KCNT1: variants seen among roughly 807,000 people sequenced by gnomAD.
The protein encoded by KCNT1 is potassium sodium-activated channel subfamily T member 1.
A neutral mutation model predicts 147.8 loss-of-function variants in KCNT1; 78 were observed. That is an observed-to-expected ratio of 0.53 (90% CI 0.44 to 0.64). The LOEUF (loss-of-function observed/expected upper bound fraction) is 0.64. Ranked by LOEUF, KCNT1 falls within the 30% of genes least tolerant of loss-of-function variation. The probability of loss-of-function intolerance (pLI) is 0.00; values close to 1 mark genes in which losing one functional copy is unlikely to be tolerated. For synonymous variants in KCNT1, 867 were observed against 748.8 expected (o/e 1.16, Z -2.58); for missense variants, 1,419 against 1,750.3 (o/e 0.81, Z 3.38).
At chr9:135,780,982 C>G (rs759472409) in intron 24 of KCNT1, among the ~76,000 whole-genome samples, 15 of 152,088 alleles carry the variant, frequency 9.9e-5, no homozygotes, top group Non-Finnish European at 1.9e-4. Flanking sequence ...AAGTTTGGGT[C>G]AGCAAGCACG....
intron 2 of KCNT1, among the ~76,000 whole-genome samples, chr9:135,726,183 G>A (rs954259072): frequency 1.3e-5 from 2 of 152,132 alleles, no homozygotes; most frequent in African/African-American, 4.8e-5. Flanking sequence ...TGTCTGGGCT[G>A]GGGGCTGGGC....
At chr9:135,723,824 C>T (rs1358274611) in intron 2 of KCNT1, among the ~76,000 whole-genome samples, 3 of 152,310 alleles carry the variant, frequency 2.0e-5, no homozygotes, top group South Asian at 2.1e-4. Context: ...GCCTGGTGTC[C>T]GGCTGCCCCC....
chr9:135,731,961 T>G (rs867702399), intron 2 of KCNT1, among the ~76,000 whole-genome samples: 162 of 7,228 alleles, frequency 0.022, no homozygotes, highest in African/African-American at 0.058. Context: ...AATATGCGTG[T>G]ATATATATAT....
Position 135,777,330 on chromosome 9 carries a change from G to A in KCNT1, c.2350-8G>A, listed in dbSNP as rs371678685. 741 of 1,611,546 alleles carry A rather than the reference G, an allele frequency of 4.6e-4. 7 individuals carry two copies. The highest frequency in any genetic ancestry group is 6.8e-5 in the Non-Finnish European group (80 of 1,178,450). ...GACTCCAGCCCTGACTCCAGCATCT[G>A]CCCCCAGGGCTGCAAGCACAACAGC... is the stretch of plus-strand genomic sequence containing the variant. On this transcript the variant is annotated splice_polypyrimidine_tract_variant and splice_region_variant and intron_variant, in intron 20 of 30. Coordinates refer to ENST00000371757, the MANE Select transcript of KCNT1 (RefSeq NM_020822.3).
chr9:135,731,072 C>A (rs899687435), intron 2 of KCNT1, among the ~76,000 whole-genome samples: 1 of 151,452 alleles, frequency 6.6e-6, no homozygotes, highest in African/African-American at 2.4e-5. Flanking sequence ...GAAGCCCACA[C>A]GCCATGTTTG....
In KCNT1 at chr9:135,714,588, C is replaced by T; in HGVS notation, c.122C>T (p.Ala41Val). Residue 41 changes from alanine to valine, a missense_variant, in exon 2 of 31, where the codon GCG (alanine) becomes GTG (valine). Around this residue, in one of 5 missense-constraint regions of KCNT1, gnomAD observed 181 missense variants for 155.7 expected, o/e 1.16. Coordinates refer to ENST00000371757, the MANE Select transcript of KCNT1 (RefSeq NM_020822.3). This position sits in a 1 kb window ranked among gnomAD's most constrained non-coding sequence, Gnocchi z 6.2. ...GCGTGTGCCCGCAGGCGGCCCTGCG[C>T]GGGGGACGGCGCGCTCCTGGACACC... ...DGQCAPRRPCAGDGALLDTAG... is the reference protein window; with the variant it reads ...DGQCAPRRPCVGDGALLDTAG... 7.3e-7 allele frequency: 1 copy of T among 1,375,194 alleles called. No individual in the cohort carries two copies. The highest frequency in any genetic ancestry group is 9.5e-7 in the Non-Finnish European group (1 of 1,047,978). The allele number at this position is 1,375,194 out of a possible 1,614,324, so 85.2% of individuals were successfully genotyped here. A position where few individuals can be genotyped will look rare whatever the true frequency, so the allele number is the denominator to read the frequency against.
At position 135,753,955 on chromosome 9, in the gene KCNT1, G is replaced by C. The variant is rs1831337399; in HGVS notation, c.453G>C (p.Gln151His). 2 of 1,614,010 alleles carry C rather than the reference G, an allele frequency of 1.2e-6. No homozygotes were observed. Among genetic ancestry groups the C allele is most frequent in the Non-Finnish European group, 1.7e-6 (2 of 1,179,996 alleles). ...TCCACAGCTGGGGCTGCCCAAAGCA[G>C]AACTACTCCTTCAATGACTCGTCCT... ...LGIGCWGCPK[Q>H]NYSFNDSSSE... is the part of the protein sequence containing the mutation. The change falls in exon 5 of 31, where the codon CAG becomes CAC. Residue 151 changes from glutamine to histidine, a missense_variant. By Grantham distance (24) the Gln-to-His change is conservative. This residue lies in a region of KCNT1 where 401 missense variants were observed against 610.6 expected (regional missense o/e 0.66). Coordinates refer to ENST00000371757, the MANE Select transcript of KCNT1 (RefSeq NM_020822.3).
At chr9:135,724,510 G>A (rs1229304294) in intron 2 of KCNT1, among the ~76,000 whole-genome samples, 3 of 152,242 alleles carry the variant, frequency 2.0e-5, no homozygotes, top group Non-Finnish European at 4.4e-5. Context: ...CTTCCTCCAC[G>A]TATGCAGGCA....
At chr9:135,709,873 G>T (rs1403312736) in intron 1 of KCNT1, among the ~76,000 whole-genome samples, 1 of 152,140 alleles carries the variant, frequency 6.6e-6, no homozygotes, top group Non-Finnish European at 1.5e-5. Flanking sequence ...TAGAGATGGG[G>T]TTTCACCATG....
chr9:135,779,866 C>T (rs11103184), intron 24 of KCNT1, among the ~76,000 whole-genome samples: 11,709 of 152,326 alleles, frequency 0.077, 1,205 homozygotes, highest in African/African-American at 0.23. Context: ...GTACAGATAA[C>T]GCACACGGCT....
intron 2 of KCNT1, among the ~76,000 whole-genome samples, chr9:135,726,929 CTCCCTCCCTCTCCCTCTCTTTCCCATT>C (rs1836184296): frequency 1.7e-5 from 2 of 120,808 alleles, no homozygotes; most frequent in African/African-American, 6.3e-5. Context: ...CTCTCTCTCT[CTCCCTCCCTCTCCCTCTCTTTCCCATT>C]CTCCCTCTCC....
chr9:135,774,001 G>C (rs1364689366), intron 19 of KCNT1, among the ~76,000 whole-genome samples: 1 of 152,138 alleles, frequency 6.6e-6, no homozygotes, highest in Non-Finnish European at 1.5e-5. Context: ...ACCGAGTAGG[G>C]CATGGGGGTG....
At chr9:135,737,824 G>A (rs914580955) in intron 2 of KCNT1, among the ~76,000 whole-genome samples, 2 of 152,134 alleles carry the variant, frequency 1.3e-5, no homozygotes, top group African/African-American at 2.4e-5. Context: ...CAGCAGCCCT[G>A]GGGGGGCACT....
At chr9:135,738,882 T>C (rs1029715357) in intron 2 of KCNT1, among the ~76,000 whole-genome samples, 3 of 152,146 alleles carry the variant, frequency 2.0e-5, no homozygotes, top group African/African-American at 7.2e-5. Flanking sequence ...TTAGACAGCG[T>C]GGCTTCAGTG....
At chr9:135,748,738 G>A (rs1205406560) in intron 2 of KCNT1, among the ~76,000 whole-genome samples, 1 of 152,236 alleles carries the variant, frequency 6.6e-6, no homozygotes, top group Admixed American at 6.5e-5. Flanking sequence ...CTGTCTGTCT[G>A]CCCTACTGTG....
intron 24 of KCNT1, 74 bp from the exon 25 acceptor site, chr9:135,783,950 C>T: frequency 1.8e-6 from 2 of 1,122,702 alleles, no homozygotes; most frequent in Non-Finnish European, 1.3e-6. Context: ...CACACAGTGC[C>T]CTCGACCCCG....
At chr9:135,750,012 A>T (rs993799473) in intron 2 of KCNT1, 86 bp from the exon 3 acceptor site, 4 of 1,037,224 alleles carry the variant, frequency 3.9e-6, no homozygotes, top group Non-Finnish European at 1.5e-6. Context: ...AAGTTGGAAG[A>T]AGTCAGTCAG....
chr9:135,784,500 TCCC>T, intron 25 of KCNT1, 32 bp from the exon 26 acceptor site: 2 of 154,392 alleles, frequency 1.3e-5, no homozygotes, highest in Non-Finnish European at 1.2e-5. Context: ...CCTCCCTCCC[TCCC>T]TCCCTCCCTC....
intron 16 of KCNT1, 83 bp downstream of exon 16, chr9:135,770,138 G>T (rs1041863500): frequency 5.0e-6 from 7 of 1,408,810 alleles, no homozygotes; most frequent in Admixed American, 2.0e-5. Flanking sequence ...TGGGGGCGGG[G>T]ATGGGCTTCC....
Sources: allele counts gnomAD v4.1 joint callset (sites outside exome capture counted in the v4.1 genomes callset), GRCh38; gene constraint gnomAD v4.1.1; regional missense constraint gnomAD v4.1.1; non-coding constraint Gnocchi (gnomAD v3.1); transcripts MANE v1.5; gene names NCBI Gene and HGNC (gene_info 2026-07-23, HGNC 2026-07-21).